The following TCF7L2 variants were observed in gnomAD, a reference collection of about 807,000 sequenced individuals.
The protein encoded by TCF7L2 is transcription factor 7-like 2.
A neutral mutation model predicts 77.9 loss-of-function variants in TCF7L2; 23 were observed. The observed-to-expected ratio is 0.30, with a 90% CI of 0.21 to 0.42. The LOEUF is 0.42. Ranked by LOEUF, TCF7L2 falls within the 10% of genes least tolerant of loss-of-function variation. TCF7L2 has a pLI of 1.00. For missense variants in TCF7L2, 654 were observed against 793.1 expected (o/e 0.82, Z 2.11); for synonymous variants, 413 against 340.2 (o/e 1.21, Z -2.36).
rs961019011 is a variant in TCF7L2 at position 112,993,345 on chromosome 10, A to G, written c.450+28721A>G. ...ACATGGTAAAACCCTGTCTCTACTAAAAATACAAAAATTAGCTGGGTGTGG... is the reference window on the plus strand; with the variant it reads ...ACATGGTAAAACCCTGTCTCTACTAGAAATACAAAAATTAGCTGGGTGTGG... On this transcript the variant is annotated intron_variant, in intron 4 of 13. Transcript: ENST00000627217. 2.0e-5 allele frequency among the ~76,000 whole-genome samples: 3 copies of G among 151,654 alleles called. No individual in the cohort carries two copies. The East Asian group carries it at 5.9e-4, about 30-fold the overall frequency.
At chr10:113,034,990 T>C (rs1171192857) in intron 4 of TCF7L2, among the ~76,000 whole-genome samples, 1 of 151,984 alleles carries the variant, frequency 6.6e-6, no homozygotes, top group East Asian at 1.9e-4. Context: ...CCCCTTTCCT[T>C]CCCTTTCCAT....
intron 3 of TCF7L2, among the ~76,000 whole-genome samples, chr10:112,956,561 G>A (rs2033666499): frequency 6.6e-6 from 1 of 152,012 alleles, no homozygotes; most frequent in South Asian, 2.1e-4. Context: ...TGTGATGTGG[G>A]CATCTGAGTT....
chr10:113,129,291 G>A (rs141896967), intron 5 of TCF7L2: 2 of 985,900 alleles, frequency 2.0e-6, no homozygotes, highest in Non-Finnish European at 2.4e-6. Context: ...CCTGCCTCCT[G>A]CACTCGGTTG....
chr10:113,101,841 T>TAAAAAAAAAA (rs1564895980), intron 5 of TCF7L2, among the ~76,000 whole-genome samples: 2 of 5,684 alleles, frequency 3.5e-4, no homozygotes, highest in Non-Finnish European at 2.9e-4. Context: ...AGACTCCGTC[T>TAAAAAAAAAA]CAAAAAAAAA....
intron 4 of TCF7L2, among the ~76,000 whole-genome samples, chr10:112,974,145 A>G (rs180853300): frequency 6.6e-6 from 1 of 152,372 alleles, no homozygotes; most frequent in African/African-American, 2.4e-5. Flanking sequence ...GCCAGATAAA[A>G]TAAAACAATC....
chr10:113,118,751 T>C lies in TCF7L2; in HGVS notation c.553-22433T>C, dbSNP rs185890219. 3.0e-3 allele frequency among the ~76,000 whole-genome samples: 455 copies of C among 151,990 alleles called. 3 individuals carry two copies. Among genetic ancestry groups the C allele is most frequent in the Non-Finnish European group, 4.3e-3 (291 of 67,980 alleles). On this transcript the variant is annotated intron_variant, in intron 5 of 13. Coordinates refer to ENST00000627217, the MANE Select transcript of TCF7L2 (RefSeq NM_001146274.2). ...TAAGTGTGGTCCAGGCTGCATATTTTATAAACTTTCTATTAAAGTTGTGGC... is the reference window on the plus strand; with the variant it reads ...TAAGTGTGGTCCAGGCTGCATATTTCATAAACTTTCTATTAAAGTTGTGGC...
At chr10:112,973,868 G>A (rs1287379248) in intron 4 of TCF7L2, among the ~76,000 whole-genome samples, 1 of 152,190 alleles carries the variant, frequency 6.6e-6, no homozygotes, top group South Asian at 2.1e-4. Context: ...GGGATTATAG[G>A]TGGGGGCCAC....
intron 4 of TCF7L2, among the ~76,000 whole-genome samples, chr10:112,989,212 T>C (rs1211245874): frequency 3.3e-5 from 5 of 152,036 alleles, no homozygotes. Context: ...CAAGGTCCAG[T>C]ATAGACCTGA....
chr10:112,995,363 G>T (rs1319313129), intron 4 of TCF7L2, among the ~76,000 whole-genome samples: 3 of 152,188 alleles, frequency 2.0e-5, no homozygotes, highest in Non-Finnish European at 2.9e-5. Flanking sequence ...TCTCCTGACA[G>T]TGGCTGGAGT....
In TCF7L2 at chr10:112,951,551, C is replaced by T. The variant is rs1295874893; in HGVS notation, c.325C>T (p.Pro109Ser). The change falls in exon 3 of 14, where the codon CCC becomes TCC. Residue 109 changes from proline (P) to serine (S), a missense_variant. Pro to Ser is a moderately conservative substitution (Grantham distance 74). Transcript: ENST00000627217. ...TCCCGGCTACCCCTTCATCATGATC[C>T]CCGACCTGACGAGCCCCTACCTCCC... 1.4e-6 allele frequency: 2 copies of T among 1,408,558 alleles called. No individual in the cohort carries two copies. The highest frequency in any genetic ancestry group is 4.2e-5 in the Admixed American group (2 of 47,348). The allele number at this position is 1,408,558 out of a possible 1,614,324, so 87.3% of individuals were successfully genotyped here.
intron 4 of TCF7L2, among the ~76,000 whole-genome samples, chr10:112,976,147 T>C (rs2135064610): frequency 6.6e-6 from 1 of 152,280 alleles, no homozygotes; most frequent in East Asian, 1.9e-4. Flanking sequence ...AGTTGGGAGA[T>C]TAAACAAGGT....
intron 3 of TCF7L2, among the ~76,000 whole-genome samples, chr10:112,957,074 T>A (rs1245008338): frequency 6.6e-6 from 1 of 152,170 alleles, no homozygotes; most frequent in Non-Finnish European, 1.5e-5. Context: ...CAGTGGGGGC[T>A]CTGCACAGAT....
chr10:112,958,313 G>T (rs1413304843), intron 3 of TCF7L2, among the ~76,000 whole-genome samples: 1 of 152,162 alleles, frequency 6.6e-6, no homozygotes, highest in Admixed American at 6.5e-5. Context: ...CTAAAGTTTG[G>T]CATCATGAAA....
intron 5 of TCF7L2, among the ~76,000 whole-genome samples, chr10:113,103,382 G>A (rs1244473921): frequency 6.6e-6 from 1 of 152,006 alleles, no homozygotes; most frequent in Admixed American, 6.6e-5. Context: ...GTTTTGTTTT[G>A]TGTGTGTGGT....
intron 5 of TCF7L2, among the ~76,000 whole-genome samples, chr10:113,056,379 G>C (rs2055383324): frequency 6.6e-6 from 1 of 152,170 alleles, no homozygotes. Flanking sequence ...AATCTAATTG[G>C]AAGTGGGGCA....
chr10:113,107,881 C>G (rs1472568195), intron 5 of TCF7L2, among the ~76,000 whole-genome samples: 2 of 151,302 alleles, frequency 1.3e-5, no homozygotes. Flanking sequence ...TCAAGCGTTG[C>G]TGGCAGGGGC....
At chr10:113,127,960 T>G (rs1033866922) in intron 5 of TCF7L2, among the ~76,000 whole-genome samples, 1 of 151,672 alleles carries the variant, frequency 6.6e-6, no homozygotes, top group Non-Finnish European at 1.5e-5. Context: ...TTGCCGCACT[T>G]TATAAGTTAT....
At chr10:113,129,510 T>C in intron 5 of TCF7L2, 2 of 1,007,520 alleles carry the variant, frequency 2.0e-6, no homozygotes, top group Non-Finnish European at 2.4e-6. Context: ...TTTAAAAAAT[T>C]AAATCTGCAA....
chr10:113,063,912 G>GTT (rs2056878493), intron 5 of TCF7L2, among the ~76,000 whole-genome samples: 1 of 151,594 alleles, frequency 6.6e-6, no homozygotes, highest in Non-Finnish European at 1.5e-5. Flanking sequence ...GTGTGTGTGT[G>GTT]TGTGTGTGTG....
Sources: gnomAD v4.1 joint callset for allele counts (sites outside exome capture counted in the v4.1 genomes callset) on GRCh38, gnomAD v4.1.1 for gene constraint, MANE v1.5 for transcripts, NCBI Gene and HGNC (gene_info 2026-07-23, HGNC 2026-07-21) for gene names.